SYMPK: variants seen among roughly 807,000 people sequenced by gnomAD.
SYMPK encodes symplekin.
SYMPK carries 49 observed loss-of-function variants against 136.4 expected under a neutral mutation model. That is an observed-to-expected ratio of 0.36 (90% CI 0.29 to 0.46). SYMPK has a LOEUF of 0.46. Among genes scored for constraint, SYMPK ranks in the 20% least tolerant of loss-of-function variants. The pLI is 1.00. For missense variants in SYMPK, 1,365 were observed against 1,690.0 expected, an observed-to-expected ratio of 0.81 and a Z score of 3.37; for synonymous variants, 766 against 713.0, an observed-to-expected ratio of 1.07 and a Z score of -1.19.
chr19:45,816,877 T>A lies in SYMPK; in HGVS notation c.3179A>T (p.Gln1060Leu). 1 of 1,550,776 alleles carries A rather than the reference T, an allele frequency of 6.4e-7. No homozygotes were observed. The highest frequency in any genetic ancestry group is 8.7e-7 in the Non-Finnish European group (1 of 1,147,268). ...GCACTTGTCAAAGACGGCTCCCAGCTGCTGGGGCGGCAGCTGCAGGATGAC... is the reference window on the plus strand; with the variant it reads ...GCACTTGTCAAAGACGGCTCCCAGCAGCTGGGGCGGCAGCTGCAGGATGAC... Reference protein sequence around the residue: ...FQVILQLPPQQLGAVFDKCPE... With the variant: ...FQVILQLPPQLLGAVFDKCPE... The change falls in exon 24 of 27, where the codon CAG becomes CTG. Residue 1060 changes from glutamine (Q) to leucine (L), a missense_variant. This residue lies in a region of SYMPK where 156 missense variants were observed against 217.8 expected (regional missense o/e 0.72). Coordinates refer to ENST00000245934, the MANE Select transcript of SYMPK (RefSeq NM_004819.3).
At chr19:45,823,306 C>T in intron 20 of SYMPK, 66 bp downstream of exon 20, 1 of 1,505,062 alleles carries the variant, frequency 6.6e-7, no homozygotes, top group Non-Finnish European at 9.2e-7. Flanking sequence ...AAGCAACGTG[C>T]TGCCCTGCCC....
In SYMPK at chr19:45,830,140, C is replaced by T. The variant is rs769016741; in HGVS notation, c.1663G>A (p.Asp555Asn). Residue 555 changes from aspartate to asparagine, a missense_variant, in exon 13 of 27, where the codon GAT becomes AAT. Physicochemically the swap from Asp to Asn is conservative, Grantham distance 23. This residue lies in a region of SYMPK where 303 missense variants were observed against 326.6 expected (regional missense o/e 0.93). Transcript: ENST00000245934. ...AGCTTCATGGCTTCCACCTGGGCAT[C>T]GGTAAGGGGCTTCAGCACGTCGCTG... ...RLSDVLKPLTDAQVEAMKLGA... is the reference protein window; with the variant it reads ...RLSDVLKPLTNAQVEAMKLGA... 10 of 1,603,634 alleles carry T rather than the reference C, an allele frequency of 6.2e-6. No individual in the cohort carries two copies. The highest frequency in any genetic ancestry group is 2.2e-5 in the South Asian group (2 of 89,240).
At position 45,863,113 on chromosome 19, in the gene SYMPK, T is replaced by TCCGCCGCCGCCGCCG; in HGVS notation, c.-83_-69dup. On this transcript the variant is annotated 5_prime_UTR_variant, in exon 1 of 27. Coordinates refer to ENST00000245934, the MANE Select transcript of SYMPK (RefSeq NM_004819.3). The stretch of plus-strand genomic sequence containing the variant: ...CCCTCAGCAGTGCCTCTTCCTACAC[T>TCCGCCGCCGCCGCCG]CCGCCGCCGCCGCCGCCGCCATCTT... 1 of 404,158 alleles carries TCCGCCGCCGCCGCCG rather than the reference T, an allele frequency of 2.5e-6. No homozygotes were observed. The highest frequency in any genetic ancestry group is 1.2e-4 in the South Asian group (1 of 8,218). 25.0% of individuals were successfully genotyped at this position (404,158 alleles called of 1,614,324 possible). A position where few individuals can be genotyped will look rare whatever the true frequency, so the allele number is the denominator to read the frequency against.
chr19:45,833,857 A>G (rs902041990), intron 11 of SYMPK, among the ~76,000 whole-genome samples: 2 of 152,182 alleles, frequency 1.3e-5, no homozygotes, highest in Non-Finnish European at 2.9e-5. Context: ...CAAAATTATT[A>G]AGAAATATTA....
intron 12 of SYMPK, chr19:45,830,544 TGAGGGTAGCAGAAGAGAGCTCG>T (rs1261414823): frequency 4.2e-6 from 1 of 238,478 alleles, no homozygotes; most frequent in African/African-American, 2.2e-5. Context: ...GGAGGAGGGG[TGAGGGTAGCAGAAGAGAGCTCG>T]GAGGGTAGCA....
At chr19:45,851,033 G>A (rs962186085) in intron 5 of SYMPK, among the ~76,000 whole-genome samples, 2 of 152,100 alleles carry the variant, frequency 1.3e-5, no homozygotes, top group East Asian at 1.9e-4. Context: ...GAGCAGGGGA[G>A]ACAGAGAGGA....
At chr19:45,816,353 G>C in intron 25 of SYMPK, 129 bp downstream of exon 25, 1 of 1,315,100 alleles carries the variant, frequency 7.6e-7, no homozygotes. Flanking sequence ...TCCCCTGGGA[G>C]ACGGGTGGCC....
rs1299834838 is a variant in SYMPK at position 45,829,288 on chromosome 19, C to T, written c.1750-83G>A. Reference sequence around the variant, plus strand: ...ATCGTGCCCTGCGACTTCTCCCACCCAGACGCAGGAACTCTCAGAGCAGAC... The same window carrying T: ...ATCGTGCCCTGCGACTTCTCCCACCTAGACGCAGGAACTCTCAGAGCAGAC... On this transcript the variant is annotated intron_variant, in intron 13 of 26. Transcript: ENST00000245934. The T allele has an allele frequency of 5.8e-6, 7 of 1,201,958 alleles. No individual in the cohort carries two copies. The Admixed American group carries it at 1.4e-4, about 24-fold the overall frequency. 74.5% of individuals were successfully genotyped at this position (1,201,958 alleles called of 1,614,324 possible).
Position 45,821,510 on chromosome 19 carries a change from G to C in SYMPK, c.2792-25C>G. Reference sequence around the variant, plus strand: ...CCTGCAGCAGGCGGGAGGAAGGGTGGGGGAAGACAGTGCGGACGCATAAGT... The same window carrying C: ...CCTGCAGCAGGCGGGAGGAAGGGTGCGGGAAGACAGTGCGGACGCATAAGT... On this transcript the variant is annotated intron_variant, in intron 21 of 26. Coordinates refer to ENST00000245934, the MANE Select transcript of SYMPK (RefSeq NM_004819.3). This position sits in a 1 kb window ranked among gnomAD's most constrained non-coding sequence, Gnocchi z 4.4. The C allele has an allele frequency of 6.5e-7, 1 of 1,538,864 alleles. No individual in the cohort carries two copies. The highest frequency in any genetic ancestry group is 9.0e-7 in the Non-Finnish European group (1 of 1,112,510).
intron 1 of SYMPK, chr19:45,855,812 A>G (rs1322262474): frequency 6.6e-6 from 1 of 152,106 alleles, no homozygotes; most frequent in Non-Finnish European, 1.5e-5. Flanking sequence ...CCTGGGCAAC[A>G]TGGTGTAACC....
In SYMPK at chr19:45,816,819, G is replaced by A. The variant is rs1200363638; in HGVS notation, c.3237C>T (p.Val1079=). The A allele has an allele frequency of 5.8e-6, 9 of 1,543,016 alleles. No homozygotes were observed. The highest frequency in any genetic ancestry group is 7.9e-6 in the Non-Finnish European group (9 of 1,144,106). ...PELREPLLAH[V]RSFTPHQQAH... ...GTACCTGGTGGGGGGTGAAGGAGCG[G>A]ACATGGGCCAGCAGGGGCTCCCGGA... The change falls in exon 24 of 27, where the codon GTC becomes GTT. Residue 1079 remains valine (V), a synonymous_variant. Transcript: ENST00000245934.
rs149742495 is a variant in SYMPK at position 45,821,509 on chromosome 19, G to C, written c.2792-24C>G. Reference sequence around the variant, plus strand: ...ACCTGCAGCAGGCGGGAGGAAGGGTGGGGGAAGACAGTGCGGACGCATAAG... The same window carrying C: ...ACCTGCAGCAGGCGGGAGGAAGGGTCGGGGAAGACAGTGCGGACGCATAAG... On this transcript the variant is annotated intron_variant, in intron 21 of 26. Transcript: ENST00000245934. This position sits in a 1 kb window ranked among gnomAD's most constrained non-coding sequence, Gnocchi z 4.4. 13,951 of 1,552,852 alleles carry C rather than the reference G, an allele frequency of 9.0e-3. 106 individuals carry two copies. The highest frequency in any genetic ancestry group is 0.011 in the Non-Finnish European group (11,900 of 1,125,278).
intron 1 of SYMPK, among the ~76,000 whole-genome samples, chr19:45,856,092 G>A (rs1187280841): frequency 2.0e-5 from 3 of 152,140 alleles, no homozygotes; most frequent in Admixed American, 6.6e-5. Context: ...GGTGGCTCAC[G>A]CCTGTAATCC....
Position 45,818,037 on chromosome 19 carries a change from G to A in SYMPK, c.3003C>T (p.Thr1001=), listed in dbSNP as rs769053362. ...GGTACATGGTCAGGGACTGGATGAC[G>A]GTCCTCATGAGCAGCATGGGCAGGG... ...QSPLPMLLMR[T]VIQSLTMYPR... is the part of the protein sequence containing the mutation. The change falls in exon 23 of 27, where the codon ACC becomes ACT. Residue 1001 remains threonine (T), a synonymous_variant. Coordinates refer to ENST00000245934, the MANE Select transcript of SYMPK (RefSeq NM_004819.3). The A allele has an allele frequency of 1.5e-5, 23 of 1,574,148 alleles. No individual in the cohort carries two copies. The highest frequency in any genetic ancestry group is 2.0e-5 in the Non-Finnish European group (23 of 1,159,804).
intron 9 of SYMPK, among the ~76,000 whole-genome samples, chr19:45,840,799 C>T (rs1429968263): frequency 6.6e-6 from 1 of 151,304 alleles, no homozygotes; most frequent in African/African-American, 2.4e-5. Flanking sequence ...GCCCAGATTA[C>T]ACCACTGCAC....
At chr19:45,838,865 TATC>T (rs1971369649) in intron 9 of SYMPK, among the ~76,000 whole-genome samples, 4 of 152,196 alleles carry the variant, frequency 2.6e-5, no homozygotes, top group Admixed American at 2.0e-4. Context: ...CCCTGCAGCT[TATC>T]ATAAGCTCTA....
chr19:45,858,376 C>T (rs979286226), intron 1 of SYMPK, among the ~76,000 whole-genome samples: 2 of 152,186 alleles, frequency 1.3e-5, no homozygotes, highest in Admixed American at 6.6e-5. Flanking sequence ...GCCCAACATG[C>T]CCCTTCCTCA....
At chr19:45,835,802 C>T (rs1021779554) in intron 10 of SYMPK, among the ~76,000 whole-genome samples, 2 of 152,040 alleles carry the variant, frequency 1.3e-5, no homozygotes, top group Non-Finnish European at 2.9e-5. Flanking sequence ...ATCCCAGCTA[C>T]TCGGGAGGCT....
At chr19:45,838,949 T>C (rs1971371282) in intron 9 of SYMPK, among the ~76,000 whole-genome samples, 1 of 152,242 alleles carries the variant, frequency 6.6e-6, no homozygotes, top group African/African-American at 2.4e-5. Flanking sequence ...TACAATGGCA[T>C]GATTTCGGCT....
Sources: allele counts gnomAD v4.1 joint callset (sites outside exome capture counted in the v4.1 genomes callset), GRCh38; gene constraint gnomAD v4.1.1; regional missense constraint gnomAD v4.1.1; non-coding constraint Gnocchi (gnomAD v3.1); transcripts MANE v1.5; gene names NCBI Gene and HGNC (gene_info 2026-07-23, HGNC 2026-07-21).